Variants in SYNPO2 observed in about 807,000 individuals in gnomAD.
SYNPO2 encodes the protein synaptopodin-2.
Under a neutral mutation model 85.0 loss-of-function variants are expected in SYNPO2, and 56 were observed. The observed-to-expected ratio is 0.66, with a 90% CI of 0.53 to 0.82. SYNPO2 has a LOEUF of 0.82. Ranked by LOEUF, SYNPO2 falls within the 40% of genes least tolerant of loss-of-function variation. The probability of loss-of-function intolerance (pLI) is 0.00; values close to 1 mark genes in which losing one functional copy is unlikely to be tolerated. For missense variants in SYNPO2, 1,575 were observed against 1,534.2 expected, an observed-to-expected ratio of 1.03 and a Z score of -0.44; for synonymous variants, 602 against 591.1, an observed-to-expected ratio of 1.02 and a Z score of -0.27.
intron 1 of SYNPO2, among the ~76,000 whole-genome samples, chr4:118,983,066 A>C (rs2149163911): frequency 6.6e-6 from 1 of 152,092 alleles, no homozygotes; most frequent in East Asian, 1.9e-4. Flanking sequence ...TTTTTTTGCA[A>C]ATCTCCAAAC....
chr4:118,969,709 C>A (rs775764804), intron 1 of SYNPO2, among the ~76,000 whole-genome samples: 2 of 150,736 alleles, frequency 1.3e-5, no homozygotes, highest in Non-Finnish European at 2.9e-5. Context: ...AAGTTCTGGG[C>A]GTTCTTTCTA....
intron 4 of SYNPO2, chr4:119,043,788 A>G (rs1475651160): frequency 6.6e-6 from 1 of 152,012 alleles, no homozygotes; most frequent in African/African-American, 2.4e-5. Context: ...AAACACAAAA[A>G]TTAGCTGGGC....
At chr4:118,963,582 G>C (rs1162780157) in intron 1 of SYNPO2, among the ~76,000 whole-genome samples, 1 of 152,148 alleles carries the variant, frequency 6.6e-6, no homozygotes, top group Admixed American at 6.5e-5. Flanking sequence ...CCAAGTAGCT[G>C]AGTCTACAGG....
At chr4:119,052,039 A>G (rs528977260) in intron 4 of SYNPO2, among the ~76,000 whole-genome samples, 1 of 152,190 alleles carries the variant, frequency 6.6e-6, no homozygotes, top group Non-Finnish European at 1.5e-5. Flanking sequence ...GAAGAGTTTC[A>G]AAGTGTCTTC....
intron 1 of SYNPO2, among the ~76,000 whole-genome samples, chr4:118,930,347 C>G (rs1260414091): frequency 6.6e-6 from 1 of 152,156 alleles, no homozygotes; most frequent in African/African-American, 2.4e-5. Flanking sequence ...TATTTTAGTA[C>G]TTTTTATCAT....
chr4:119,051,789 C>T (rs1016464695), intron 4 of SYNPO2, among the ~76,000 whole-genome samples: 1 of 152,132 alleles, frequency 6.6e-6, no homozygotes, highest in Non-Finnish European at 1.5e-5. Context: ...CCCCCAGATA[C>T]AACAGATGCT....
Position 119,030,775 on chromosome 4 carries a change from T to G in SYNPO2, c.2000T>G (p.Ile667Arg), listed in dbSNP as rs1408740460. 2 of 1,614,096 alleles carry G rather than the reference T, an allele frequency of 1.2e-6. No homozygotes were observed. The highest frequency in any genetic ancestry group is 2.2e-5 in the South Asian group (2 of 91,078). ...QPAFYDSSERIASRDERISVP... is the reference protein window; with the variant it reads ...QPAFYDSSERRASRDERISVP... ...GCCTTTTACGATTCGTCTGAGCGAATAGCTTCCCGAGATGAGAGGATCTCA... is the reference window on the plus strand; with the variant it reads ...GCCTTTTACGATTCGTCTGAGCGAAGAGCTTCCCGAGATGAGAGGATCTCA... Residue 667 changes from isoleucine (I) to arginine (R), a missense_variant, in exon 4 of 5, where the codon ATA becomes AGA. Physicochemically the swap from Ile to Arg is moderately conservative, Grantham distance 97. Transcript: ENST00000307142.
intron 1 of SYNPO2, among the ~76,000 whole-genome samples, chr4:118,933,519 T>C (rs549326668): frequency 6.6e-6 from 1 of 152,298 alleles, no homozygotes; most frequent in African/African-American, 2.4e-5. Flanking sequence ...CCTCAGTATA[T>C]GTTTGTAGTT....
In SYNPO2 at chr4:118,880,733, C is replaced by G. The variant is rs1361840641; in HGVS notation, c.12+29793C>G. Among the ~76,000 whole-genome samples, 72 of 131,786 alleles carry G rather than the reference C, an allele frequency of 5.5e-4. 1 individual carries two copies. Among genetic ancestry groups the G allele is most frequent in the Non-Finnish European group, 9.5e-4 (60 of 62,954 alleles). 86.5% of individuals were successfully genotyped at this position (131,786 alleles called of 152,430 possible). Reference sequence around the variant, plus strand: ...CTGCACTCCAGCCTGGGCGACAGAGCGAGACTCTGTCCCAAAAAAAAAAAA... The same window carrying G: ...CTGCACTCCAGCCTGGGCGACAGAGGGAGACTCTGTCCCAAAAAAAAAAAA... On this transcript the variant is annotated intron_variant, in intron 1 of 4. Coordinates refer to the SYNPO2 transcript ENST00000610556.
At chr4:118,945,740 CT>C (rs1263706819) in intron 1 of SYNPO2, among the ~76,000 whole-genome samples, 2 of 149,938 alleles carry the variant, frequency 1.3e-5, no homozygotes, top group African/African-American at 4.9e-5. Flanking sequence ...CTAAATAACA[CT>C]TTTTTTATTT....
chr4:118,899,503 T>G (rs2389692), intron 1 of SYNPO2, among the ~76,000 whole-genome samples: 51 of 152,078 alleles, frequency 3.4e-4, no homozygotes, highest in African/African-American at 1.2e-3. Flanking sequence ...CTAGTGAAAC[T>G]TTATTTCAGT....
intron 1 of SYNPO2, among the ~76,000 whole-genome samples, chr4:118,977,071 T>A (rs1735789503): frequency 6.6e-6 from 1 of 152,116 alleles, no homozygotes; most frequent in South Asian, 2.1e-4. Flanking sequence ...CCTTGGGTGG[T>A]CGATGGGACT....
At chr4:118,940,698 G>A (rs1005002043) in intron 1 of SYNPO2, among the ~76,000 whole-genome samples, 1 of 152,110 alleles carries the variant, frequency 6.6e-6, no homozygotes, top group Non-Finnish European at 1.5e-5. Context: ...AGCAATGCTT[G>A]GGGCTGAGTC....
At chr4:118,951,507 C>T (rs545501217) in intron 1 of SYNPO2, among the ~76,000 whole-genome samples, 148 of 152,300 alleles carry the variant, frequency 9.7e-4, no homozygotes, top group Admixed American at 1.8e-3. Flanking sequence ...TAGCACCAGA[C>T]AATGCCAGTA....
intron 1 of SYNPO2, among the ~76,000 whole-genome samples, chr4:119,020,855 A>AT (rs941678956): frequency 6.6e-6 from 1 of 152,154 alleles, no homozygotes; most frequent in African/African-American, 2.4e-5. Flanking sequence ...GTGATCTTTC[A>AT]TTTTAAATAT....
At chr4:118,905,439 T>TGCGC (rs1553936602) in intron 1 of SYNPO2, among the ~76,000 whole-genome samples, 1 of 90,190 alleles carries the variant, frequency 1.1e-5, no homozygotes, top group African/African-American at 3.1e-5. Flanking sequence ...GATGTGTGTG[T>TGCGC]GTGCGTGTGT....
intron 2 of SYNPO2, among the ~76,000 whole-genome samples, chr4:119,026,225 T>C (rs1478874877): frequency 1.3e-5 from 2 of 152,236 alleles, no homozygotes; most frequent in Non-Finnish European, 2.9e-5. Flanking sequence ...GATATGTTTA[T>C]GTGACTTCAT....
At position 119,031,840 on chromosome 4, in the gene SYNPO2, C is replaced by T. The variant is rs774034168; in HGVS notation, c.3065C>T (p.Ser1022Leu). 9.3e-6 allele frequency: 15 copies of T among 1,614,100 alleles called. No homozygotes were observed. The highest frequency in any genetic ancestry group is 4.5e-5 in the East Asian group (2 of 44,888). The change falls in exon 4 of 5, where the codon TCG becomes TTG. Residue 1022 changes from serine (S) to leucine (L), a missense_variant. Ser to Leu is a moderately radical substitution (Grantham distance 145). This residue lies in a region of SYNPO2 where 1,508 missense variants were observed against 1,446.8 expected (regional missense o/e 1.04). Transcript: ENST00000307142. ...GCCTCACCTACGAATGTGCAGGCTT[C>T]GTCAGTGTACTCGGTACCAGCCTAT... is the stretch of plus-strand genomic sequence containing the variant. Reference protein sequence around the residue: ...NAASPTNVQASSVYSVPAYTS... With the variant: ...NAASPTNVQALSVYSVPAYTS...
Position 119,033,436 on chromosome 4 carries a change from A to G in SYNPO2, c.3252+1409A>G, listed in dbSNP as rs565139779. On this transcript the variant is annotated intron_variant, in intron 4 of 4. Transcript: ENST00000307142. The stretch of plus-strand genomic sequence containing the variant: ...GCTATGAAGTGAATAATGGTACTGA[A>G]AGTAAACCTGAAGACCTTTCTCAGA... The G allele has an allele frequency of 4.1e-6, 4 of 985,438 alleles. No homozygotes were observed. The African/African-American group carries it at 7.0e-5, about 17-fold the overall frequency. The allele number at this position is 985,438 out of a possible 1,614,324, so 61.0% of individuals were successfully genotyped here.
Sources: gnomAD v4.1 joint callset for allele counts (sites outside exome capture counted in the v4.1 genomes callset) on GRCh38, gnomAD v4.1.1 for gene constraint, gnomAD v4.1.1 regional missense constraint, MANE v1.5 for transcripts, NCBI Gene and HGNC (gene_info 2026-07-23, HGNC 2026-07-21) for gene names.